The following FRS2 variants were observed in gnomAD, a reference collection of about 807,000 sequenced individuals.
FRS2 encodes the protein FGFR signalling adaptor.
A neutral mutation model predicts 43.9 loss-of-function variants in FRS2; 8 were observed. The observed-to-expected ratio is 0.18, with a 90% CI of 0.11 to 0.33. The LOEUF is 0.33. FRS2 is among the 10% of genes least tolerant of loss of function. FRS2 has a pLI of 1.00. For synonymous variants in FRS2, 219 were observed against 220.3 expected (o/e 0.99, Z 0.05); for missense variants, 534 against 627.6 (o/e 0.85, Z 1.59).
intron 4 of FRS2, among the ~76,000 whole-genome samples, chr12:69,565,352 T>C (rs529090238): frequency 3.0e-4 from 45 of 152,348 alleles, no homozygotes; most frequent in African/African-American, 1.1e-3. Context: ...GCCTAGAATG[T>C]TATCGTACAC....
chr12:69,511,393 GCA>G, intron 1 of FRS2, among the ~76,000 whole-genome samples: 1 of 152,204 alleles, frequency 6.6e-6, no homozygotes, highest in South Asian at 2.1e-4. Flanking sequence ...CTGAATGTGT[GCA>G]CACTCTTTGA....
At chr12:69,512,579 A>C (rs970984851) in intron 1 of FRS2, among the ~76,000 whole-genome samples, 1 of 152,064 alleles carries the variant, frequency 6.6e-6, no homozygotes, top group African/African-American at 2.4e-5. Context: ...TTTTTTGTTG[A>C]GTTGCATACA....
chr12:69,539,719 G>T (rs1376061079), intron 3 of FRS2, among the ~76,000 whole-genome samples: 1 of 152,046 alleles, frequency 6.6e-6, no homozygotes, highest in Non-Finnish European at 1.5e-5. Context: ...ACTTTGGGAG[G>T]CCAAGGCGGG....
At chr12:69,561,959 C>T (rs1879914329) in intron 3 of FRS2, among the ~76,000 whole-genome samples, 1 of 152,166 alleles carries the variant, frequency 6.6e-6, no homozygotes, top group South Asian at 2.1e-4. Flanking sequence ...AGAACTTAGA[C>T]TATCACATTT....
intron 3 of FRS2, among the ~76,000 whole-genome samples, chr12:69,554,410 A>G (rs917555929): frequency 6.6e-6 from 1 of 152,192 alleles, no homozygotes; most frequent in African/African-American, 2.4e-5. Context: ...TATTTTGTAA[A>G]AATGCAAATC....
At position 69,571,341 on chromosome 12, in the gene FRS2, A is replaced by T. The variant is rs1402005319; in HGVS notation, c.319A>T (p.Asn107Tyr). The T allele has an allele frequency of 6.2e-7, 1 of 1,608,266 alleles. No homozygotes were observed. Among genetic ancestry groups the T allele is most frequent in the Non-Finnish European group, 8.5e-7 (1 of 1,175,008 alleles). ...LFNMLQEIMQ[N>Y]NSINVVEEPV... Reference sequence around the variant, plus strand: ...TAACATGTTGCAAGAGATTATGCAAAATAATAGTATAAATGTGGTGGAAGA... The same window carrying T: ...TAACATGTTGCAAGAGATTATGCAATATAATAGTATAAATGTGGTGGAAGA... The change falls in exon 7 of 9, where the codon AAT becomes TAT. Residue 107 changes from asparagine (N) to tyrosine (Y), a missense_variant. Asn to Tyr is a moderately radical substitution (Grantham distance 143). Transcript: ENST00000549921.
rs865920583 is a variant in FRS2, at chr12:69,516,356, T to C, written c.-260-14509T>C. Among the ~76,000 whole-genome samples, 56 of 152,172 alleles carry C rather than the reference T, an allele frequency of 3.7e-4. No homozygotes were observed. The South Asian group carries it at 3.7e-3, about 10-fold the overall frequency. On this transcript the variant is annotated intron_variant, in intron 1 of 8. Transcript: ENST00000549921. ...GCCTCAGCCTCCGGAGTAGCTGGGA[T>C]TACAGGCGTGTGCCACCACGCCTGG...
Position 69,572,249 on chromosome 12 carries a change from T to C in FRS2, c.544T>C (p.Ser182Pro). The C allele has an allele frequency of 6.2e-7, 1 of 1,613,916 alleles. No individual in the cohort carries two copies. The highest frequency in any genetic ancestry group is 8.5e-7 in the Non-Finnish European group (1 of 1,179,826). ...TCGCCTGCCTTCAGTAGGGGAAGAA[T>C]CTACACATCCTTTGCTTGTGGCTGA... ...SARLPSVGEE[S>P]THPLLVAEEQ... Residue 182 changes from serine to proline, a missense_variant, in exon 8 of 9, where the codon TCT (serine) becomes CCT (proline). This residue lies in a region of FRS2 where 446 missense variants were observed against 494.2 expected (regional missense o/e 0.90). Transcript: ENST00000549921.
At chr12:69,522,498 A>G (rs1407135272) in intron 1 of FRS2, among the ~76,000 whole-genome samples, 2 of 151,830 alleles carry the variant, frequency 1.3e-5, no homozygotes, top group Non-Finnish European at 2.9e-5. Flanking sequence ...CACTTCTTTT[A>G]TTAGTCTAGC....
chr12:69,527,826 T>C (rs941662589), intron 1 of FRS2, among the ~76,000 whole-genome samples: 1 of 152,226 alleles, frequency 6.6e-6, no homozygotes, highest in Non-Finnish European at 1.5e-5. Context: ...GGTACAAAAA[T>C]ATTCAAGGGT....
intron 3 of FRS2, among the ~76,000 whole-genome samples, chr12:69,551,741 C>T (rs751129644): frequency 5.3e-5 from 8 of 151,888 alleles, no homozygotes; most frequent in Admixed American, 2.0e-4. Context: ...TCACATCAGT[C>T]GTGGATGCTC....
chr12:69,533,308 A>G (rs1876978189), intron 3 of FRS2, among the ~76,000 whole-genome samples: 2 of 152,130 alleles, frequency 1.3e-5, no homozygotes, highest in East Asian at 3.8e-4. Flanking sequence ...AGTATTTCAG[A>G]AGTATTTCCA....
chr12:69,488,117 TA>T (rs1392871405), intron 1 of FRS2, among the ~76,000 whole-genome samples: 10 of 152,198 alleles, frequency 6.6e-5, no homozygotes, highest in Non-Finnish European at 1.3e-4. Flanking sequence ...GAATATTACA[TA>T]AATTGAGTTG....
intron 3 of FRS2, among the ~76,000 whole-genome samples, chr12:69,550,249 T>G (rs1878758370): frequency 1.3e-5 from 2 of 152,216 alleles, no homozygotes; most frequent in African/African-American, 4.8e-5. Flanking sequence ...AATCATCAGG[T>G]GTTATTAAGG....
intron 1 of FRS2, among the ~76,000 whole-genome samples, chr12:69,509,463 G>A (rs932531803): frequency 7.2e-5 from 11 of 151,964 alleles, no homozygotes; most frequent in Admixed American, 2.0e-4. Context: ...CAAAATTTAC[G>A]GCTACAACCA....
chr12:69,513,686 T>G (rs1874689008), intron 1 of FRS2, among the ~76,000 whole-genome samples: 1 of 152,160 alleles, frequency 6.6e-6, no homozygotes, highest in Non-Finnish European at 1.5e-5. Flanking sequence ...TATATATGGT[T>G]TTCTGATAAT....
chr12:69,559,641 T>TA (rs1879715024), intron 3 of FRS2, among the ~76,000 whole-genome samples: 1 of 152,340 alleles, frequency 6.6e-6, no homozygotes, highest in African/African-American at 2.4e-5. Flanking sequence ...TTAAGGCAAC[T>TA]AGCAGACTGT....
At chr12:69,551,294 A>G (rs1173164502) in intron 3 of FRS2, among the ~76,000 whole-genome samples, 1 of 151,410 alleles carries the variant, frequency 6.6e-6, no homozygotes, top group Non-Finnish European at 1.5e-5. Context: ...TTAAGGCTGC[A>G]GTGAGCTTTG....
Position 69,571,276 on chromosome 12 carries a change from G to A in FRS2, c.254G>A (p.Gly85Glu), listed in dbSNP as rs1471024313. Residue 85 changes from glycine to glutamate, a missense_variant and splice_region_variant, in exon 7 of 9, where the codon GGA becomes GAA. Gly to Glu is a moderately conservative substitution (Grantham distance 98, BLOSUM62 -2). Coordinates refer to ENST00000549921, the MANE Select transcript of FRS2 (RefSeq NM_001278356.2). ...TTTCCCTTTTGGTTTATATTTGTAG[G>A]AATCTTTGCCTTTAAGTGTGCCCGT... ...ESGRRCQTGQ[G>E]IFAFKCARAE... is the part of the protein sequence containing the mutation. 1.3e-6 allele frequency: 2 copies of A among 1,586,832 alleles called. No homozygotes were observed. The highest frequency in any genetic ancestry group is 2.7e-5 in the African/African-American group (2 of 73,204).
Sources: gnomAD v4.1 joint callset for allele counts (sites outside exome capture counted in the v4.1 genomes callset) on GRCh38, gnomAD v4.1.1 for gene constraint, gnomAD v4.1.1 regional missense constraint, MANE v1.5 for transcripts, NCBI Gene and HGNC (gene_info 2026-07-23, HGNC 2026-07-21) for gene names.